Variants in ATXN7L1 observed in about 807,000 individuals in gnomAD.
The protein encoded by ATXN7L1 is ataxin-7-like protein 1.
Under a neutral mutation model 70.8 loss-of-function variants are expected in ATXN7L1, and 15 were observed. The ratio of observed to expected loss-of-function variants is 0.21; its 90% CI spans 0.14 to 0.33. The LOEUF (loss-of-function observed/expected upper bound fraction) is 0.33, where lower values mean the gene tolerates loss of function less well. ATXN7L1 is among the 10% of genes least tolerant of loss of function. The pLI, the probability that ATXN7L1 is intolerant of heterozygous loss-of-function variation, is 1.00. For missense variants in ATXN7L1, 975 were observed against 1,097.1 expected, an observed-to-expected ratio of 0.89 and a Z score of 1.57; for synonymous variants, 440 against 445.1, an observed-to-expected ratio of 0.99 and a Z score of 0.14.
At chr7:105,645,801 A>C (rs1301675014) in intron 4 of ATXN7L1, among the ~76,000 whole-genome samples, 1 of 145,788 alleles carries the variant, frequency 6.9e-6, no homozygotes, top group Non-Finnish European at 1.5e-5. Context: ...AGACAGAGTG[A>C]GACGCCACCA....
chr7:105,693,962 C>T (rs901665682), intron 3 of ATXN7L1, among the ~76,000 whole-genome samples: 2 of 151,668 alleles, frequency 1.3e-5, no homozygotes, highest in African/African-American at 4.8e-5. Context: ...AGGAAGAAGT[C>T]GGGAGCAAGA....
At chr7:105,800,718 G>C (rs1224603654) in intron 2 of ATXN7L1, among the ~76,000 whole-genome samples, 1 of 152,198 alleles carries the variant, frequency 6.6e-6, no homozygotes, top group East Asian at 1.9e-4. Flanking sequence ...CCAGTTGGCT[G>C]TGCAACACAG....
chr7:105,663,810 G>A (rs925297658), intron 4 of ATXN7L1, among the ~76,000 whole-genome samples: 2 of 151,938 alleles, frequency 1.3e-5, no homozygotes, highest in Non-Finnish European at 2.9e-5. Context: ...TCGTCATCCA[G>A]GCTGGAGCGC....
At chr7:105,664,226 C>T (rs1267859379) in intron 4 of ATXN7L1, among the ~76,000 whole-genome samples, 1 of 151,894 alleles carries the variant, frequency 6.6e-6, no homozygotes, top group Admixed American at 6.6e-5. Flanking sequence ...CGGGTAGGGC[C>T]GTGGTCTTGC....
chr7:105,734,705 G>C (rs549437244), intron 3 of ATXN7L1, among the ~76,000 whole-genome samples: 1 of 151,650 alleles, frequency 6.6e-6, no homozygotes, highest in South Asian at 2.1e-4. Context: ...GTAAATGAAA[G>C]TGATTCCTGA....
At chr7:105,625,276 ACT>A (rs1287793784) in intron 7 of ATXN7L1, among the ~76,000 whole-genome samples, 2 of 152,068 alleles carry the variant, frequency 1.3e-5, no homozygotes, top group Non-Finnish European at 2.9e-5. Flanking sequence ...TTTACGAAAC[ACT>A]CTCACTCTGT....
At chr7:105,727,669 C>CA (rs761366095) in intron 3 of ATXN7L1, among the ~76,000 whole-genome samples, 36,787 of 75,448 alleles carry the variant, frequency 0.49, 8,032 homozygotes, top group African/African-American at 0.55. Context: ...AACTTCATCT[C>CA]AAAAAAAAAA....
chr7:105,812,221 T>C (rs947644059), intron 2 of ATXN7L1, among the ~76,000 whole-genome samples: 4 of 152,218 alleles, frequency 2.6e-5, no homozygotes, highest in African/African-American at 9.6e-5. Context: ...TAAGCATTTG[T>C]TGAAACTGAT....
intron 3 of ATXN7L1, among the ~76,000 whole-genome samples, chr7:105,703,562 C>T (rs2116243420): frequency 6.6e-6 from 1 of 152,294 alleles, no homozygotes; most frequent in East Asian, 1.9e-4. Flanking sequence ...ATAATCACTG[C>T]TAGAAACAGG....
In ATXN7L1 at chr7:105,655,182, C is replaced by T. The variant is rs140891772; in HGVS notation, c.578+9884G>A. Among the ~76,000 whole-genome samples, 22 of 152,280 alleles carry T rather than the reference C, an allele frequency of 1.4e-4. No individual in the cohort carries two copies. The East Asian group carries it at 3.1e-3, about 21-fold the overall frequency. ...CCCAAGGAGCTGTCCATTGTCCTTA[C>T]CTTTGCTCATCTGAAAACCCAGTGA... On this transcript the variant is annotated intron_variant, in intron 4 of 11. Coordinates refer to ENST00000419735, the MANE Select transcript of ATXN7L1 (RefSeq NM_020725.2).
chr7:105,665,467 A>G (rs1802473216), intron 3 of ATXN7L1, among the ~76,000 whole-genome samples, 179 bp from the exon 4 acceptor site: 1 of 152,170 alleles, frequency 6.6e-6, no homozygotes, highest in African/African-American at 2.4e-5. Flanking sequence ...CTATTCCACC[A>G]GCTAGCAATA....
chr7:105,724,573 C>CAAAA lies in ATXN7L1; in HGVS notation c.356-59289_356-59286dup, dbSNP rs573733959. ...TGGACGACAGAGCAAGACTCTGTCT[C>CAAAA]AAAAAAAAAAAAAAAAAAAAAAAAA... On this transcript the variant is annotated intron_variant, in intron 3 of 11. Coordinates refer to ENST00000419735, the MANE Select transcript of ATXN7L1 (RefSeq NM_020725.2). Among the ~76,000 whole-genome samples the CAAAA allele has an allele frequency of 1.4e-3, 111 of 80,436 alleles. 1 individual carries two copies. Among genetic ancestry groups the CAAAA allele is most frequent in the African/African-American group, 4.1e-3 (109 of 26,566 alleles). The allele number at this position is 80,436 out of a possible 152,430, so 52.8% of individuals were successfully genotyped here. A position where few individuals can be genotyped will look rare whatever the true frequency, so the allele number is the denominator to read the frequency against.
At chr7:105,685,654 A>G (rs1806099011) in intron 3 of ATXN7L1, among the ~76,000 whole-genome samples, 1 of 152,210 alleles carries the variant, frequency 6.6e-6, no homozygotes, top group African/African-American at 2.4e-5. Context: ...TGTTGAGACC[A>G]GAACCTGAGT....
chr7:105,642,544 C>T (rs926545098), intron 5 of ATXN7L1, among the ~76,000 whole-genome samples: 1 of 152,230 alleles, frequency 6.6e-6, no homozygotes, highest in African/African-American at 2.4e-5. Context: ...ATCACCTGCT[C>T]ACAAGACCCT....
At chr7:105,735,777 C>A (rs185464332) in intron 3 of ATXN7L1, among the ~76,000 whole-genome samples, 9 of 152,236 alleles carry the variant, frequency 5.9e-5, no homozygotes, top group Admixed American at 5.2e-4. Context: ...TGCAATGACT[C>A]TGAGGACCCA....
At chr7:105,619,522 ATATATATATTTTTTTTTTTTTTTT>A (rs1259124625) in intron 9 of ATXN7L1, among the ~76,000 whole-genome samples, 128 of 20,032 alleles carry the variant, frequency 6.4e-3, no homozygotes, top group African/African-American at 0.028. Context: ...ATATATATAT[ATATATATATTTTTTTTTTTTTTTT>A]TTTTTTTTTT....
intron 3 of ATXN7L1, among the ~76,000 whole-genome samples, chr7:105,745,375 T>G (rs184652124): frequency 6.6e-6 from 1 of 152,350 alleles, no homozygotes; most frequent in African/African-American, 2.4e-5. Context: ...TTACACTCTT[T>G]CCTCTTTCTC....
intron 3 of ATXN7L1, among the ~76,000 whole-genome samples, chr7:105,695,171 C>T (rs1480804732): frequency 6.6e-6 from 1 of 151,978 alleles, no homozygotes; most frequent in Non-Finnish European, 1.5e-5. Flanking sequence ...CCTGTAGTCC[C>T]AGCTACTCGG....
rs140434827 is a variant in ATXN7L1 at position 105,788,605 on chromosome 7, G to A, written c.354C>T (p.Cys118=). 2.9e-5 allele frequency: 46 copies of A among 1,607,518 alleles called. No individual in the cohort carries two copies. Among genetic ancestry groups the A allele is most frequent in the East Asian group, 6.7e-5 (3 of 44,854 alleles). ...VVKPQVFQSH[C]ERRHGSMCRP... is the part of the protein sequence containing the mutation. ...CCGACGGTGCAGGGGTCCACTTACC[G>A]CAGTGCGACTGGAAAACCTGTGGCT... Residue 118 remains cysteine, a splice_region_variant and synonymous_variant, in exon 3 of 12, where the codon TGC becomes TGT. Transcript: ENST00000419735.
Sources: gnomAD v4.1 joint callset for allele counts (sites outside exome capture counted in the v4.1 genomes callset) on GRCh38, gnomAD v4.1.1 for gene constraint, MANE v1.5 for transcripts, NCBI Gene and HGNC (gene_info 2026-07-23, HGNC 2026-07-21) for gene names.